The following MYH15 variants were observed in gnomAD, a reference collection of about 807,000 sequenced individuals.
MYH15 encodes the protein myosin heavy chain 15.
In MYH15, 227 loss-of-function variants were observed where a neutral mutation model predicts 240.5. The ratio of observed to expected loss-of-function variants is 0.94; its 90% CI spans 0.85 to 1.05. MYH15 has a LOEUF of 1.05. Among genes scored for constraint, MYH15 ranks in the 50% least tolerant of loss-of-function variants. The pLI is 0.00. For synonymous variants in MYH15, 785 were observed against 796.7 expected (o/e 0.99, Z 0.25); for missense variants, 2,217 against 2,247.5 (o/e 0.99, Z 0.27).
At chr3:108,488,957 C>T (rs971302167) in intron 9 of MYH15, among the ~76,000 whole-genome samples, 7 of 150,840 alleles carry the variant, frequency 4.6e-5, no homozygotes, top group African/African-American at 1.7e-4. Flanking sequence ...TTATCTCTTG[C>T]CTTCTGATAG....
chr3:108,472,945 T>TG (rs998461638), intron 12 of MYH15, among the ~76,000 whole-genome samples: 1 of 152,184 alleles, frequency 6.6e-6, no homozygotes, highest in South Asian at 2.1e-4. Flanking sequence ...CTTTGGTTAC[T>TG]GGGGGGCAAT....
At chr3:108,454,209 C>A in intron 20 of MYH15, 67 bp from the exon 21 acceptor site, 1 of 1,404,676 alleles carries the variant, frequency 7.1e-7, no homozygotes, top group South Asian at 1.5e-5. Flanking sequence ...TTAAATGATC[C>A]TGTGAGCAAC....
At chr3:108,475,717 G>T (rs1046151207) in intron 12 of MYH15, among the ~76,000 whole-genome samples, 2 of 152,132 alleles carry the variant, frequency 1.3e-5, no homozygotes, top group Non-Finnish European at 2.9e-5. Flanking sequence ...CATTACTGCA[G>T]CCCAGCTTAT....
chr3:108,381,801 G>A (rs1234310924), intron 40 of MYH15, among the ~76,000 whole-genome samples: 1 of 152,208 alleles, frequency 6.6e-6, no homozygotes, highest in Non-Finnish European at 1.5e-5. Context: ...TCTTGCCAAT[G>A]AAGGCAGCGC....
the MYH15 span, among the ~76,000 whole-genome samples, chr3:108,544,309 G>A: frequency 0.23 from 35,203 of 152,046 alleles, 4,786 homozygotes; most frequent in Middle Eastern, 0.32. Flanking sequence ...TGATACTATC[G>A]TTTGTAGAAT....
rs143315332 is a variant in MYH15 at position 108,463,966 on chromosome 3, A to C, written c.1731+672T>G. On this transcript the variant is annotated intron_variant, in intron 15 of 40. Coordinates refer to ENST00000693548, the MANE Select transcript of MYH15 (RefSeq NM_014981.3). ...CTGACATACAGTGAACATTCAAAAA[A>C]AAAACCAGCAATTGCAATGGTATTT... Among the ~76,000 whole-genome samples the C allele has an allele frequency of 3.7e-3, 560 of 152,282 alleles. 4 individuals are homozygous for C. Among genetic ancestry groups the C allele is most frequent in the East Asian group, 0.033 (169 of 5,184 alleles).
chr3:108,402,351 G>C (rs1434963374), intron 33 of MYH15, among the ~76,000 whole-genome samples: 1 of 152,230 alleles, frequency 6.6e-6, no homozygotes, highest in African/African-American at 2.4e-5. Context: ...TGACATGACT[G>C]AGTTCAGAGG....
At chr3:108,526,939 C>A (rs988972825) in intron 1 of MYH15, among the ~76,000 whole-genome samples, 6 of 152,190 alleles carry the variant, frequency 3.9e-5, no homozygotes, top group Non-Finnish European at 2.9e-5. Flanking sequence ...TGTAGCTAAT[C>A]CACTTTGAAG....
At chr3:108,515,492 C>T (rs950615755), upstream of MYH15, among the ~76,000 whole-genome samples, 3 of 152,198 alleles carry the variant, frequency 2.0e-5, no homozygotes, top group South Asian at 4.1e-4. Flanking sequence ...CATAAGCGCT[C>T]TCAATGACCT....
chr3:108,410,963 G>A (rs1474300100), intron 30 of MYH15, 31 bp from the exon 31 acceptor site: 2 of 1,542,768 alleles, frequency 1.3e-6, no homozygotes, highest in Non-Finnish European at 8.9e-7. Context: ...AAGAGTGAGT[G>A]AGGCAATAAC....
At chr3:108,450,755 G>A (rs1299264386) in intron 21 of MYH15, among the ~76,000 whole-genome samples, 1 of 151,938 alleles carries the variant, frequency 6.6e-6, no homozygotes, top group Non-Finnish European at 1.5e-5. Flanking sequence ...GTTTGATTGT[G>A]GTAATCATTT....
chr3:108,392,799 T>C (rs770532669), intron 36 of MYH15, among the ~76,000 whole-genome samples: 42 of 152,238 alleles, frequency 2.8e-4, no homozygotes, highest in East Asian at 3.8e-4. Flanking sequence ...CTTCATAATA[T>C]ATGATTGCAT....
intron 8 of MYH15, among the ~76,000 whole-genome samples, chr3:108,492,881 T>C (rs2083362651): frequency 6.6e-6 from 1 of 151,584 alleles, no homozygotes; most frequent in Admixed American, 6.6e-5. Flanking sequence ...TCCCAGGAAT[T>C]CGAGGCTGCA....
At position 108,463,142 on chromosome 3, in the gene MYH15, G is replaced by T. The variant is rs369600445; in HGVS notation, c.1833C>A (p.Ser611Arg). The change falls in exon 16 of 41, where the codon AGC becomes AGA. Residue 611 changes from serine (S) to arginine (R), a missense_variant. Physicochemically the swap from Ser to Arg is moderately radical, Grantham distance 110 (BLOSUM62 -1). Coordinates refer to ENST00000693548, the MANE Select transcript of MYH15 (RefSeq NM_014981.3). ...CAGTACTCATGTAATTTTCAAAAAG[G>T]CTCGCCAGGAGTCTGTTGGAAGACT... ...FQKSSNRLLASLFENYMSTDS... is the reference protein window; with the variant it reads ...FQKSSNRLLARLFENYMSTDS... The T allele has an allele frequency of 3.1e-6, 5 of 1,611,492 alleles. No homozygotes were observed. Among genetic ancestry groups the T allele is most frequent in the Non-Finnish European group, 4.2e-6 (5 of 1,179,256 alleles).
chr3:108,462,741 AAG>A (rs1232583698), intron 16 of MYH15, among the ~76,000 whole-genome samples: 3 of 152,118 alleles, frequency 2.0e-5, no homozygotes, highest in Non-Finnish European at 4.4e-5. Flanking sequence ...AGTGCTGTGA[AAG>A]AGAATATTCT....
At chr3:108,497,208 A>T (rs915772590) in intron 6 of MYH15, among the ~76,000 whole-genome samples, 1 of 150,676 alleles carries the variant, frequency 6.6e-6, no homozygotes, top group Admixed American at 6.6e-5. Flanking sequence ...TACCCAAAGA[A>T]ATCAATAATC....
intron 25 of MYH15, among the ~76,000 whole-genome samples, chr3:108,433,631 A>C (rs1308444427): frequency 6.6e-6 from 1 of 152,162 alleles, no homozygotes; most frequent in African/African-American, 2.4e-5. Context: ...TGTTCTCATG[A>C]TAGTGAGTAA....
At chr3:108,415,693 G>A (rs925231125) in intron 29 of MYH15, among the ~76,000 whole-genome samples, 4 of 152,120 alleles carry the variant, frequency 2.6e-5, no homozygotes, top group South Asian at 2.1e-4. Context: ...CTAAGACTTC[G>A]GTGAAGGGCC....
chr3:108,437,763 T>C (rs1444228634), intron 24 of MYH15, 64 bp from the exon 25 acceptor site: 1 of 1,476,138 alleles, frequency 6.8e-7, no homozygotes, highest in Non-Finnish European at 9.0e-7. Context: ...CTAGATGTGT[T>C]CATTAACCAC....
Sources: gnomAD v4.1 joint callset for allele counts (sites outside exome capture counted in the v4.1 genomes callset) on GRCh38, gnomAD v4.1.1 for gene constraint, MANE v1.5 for transcripts, NCBI Gene and HGNC (gene_info 2026-07-23, HGNC 2026-07-21) for gene names.